The following BIRC6 variants were observed in gnomAD, a reference collection of about 807,000 sequenced individuals.
BIRC6 encodes the protein dual E2 ubiquitin-conjugating enzyme/E3 ubiquitin-protein ligase BIRC6.
In BIRC6, 98 loss-of-function variants were observed where a neutral mutation model predicts 503.3. That is an observed-to-expected ratio of 0.19 (90% CI 0.17 to 0.23). BIRC6 has a LOEUF of 0.23. BIRC6 is among the 10% of genes least tolerant of loss of function. The pLI is 1.00. For missense variants in BIRC6, 5,360 were observed against 5,806.0 expected (o/e 0.92, Z 2.50); for synonymous variants, 2,240 against 2,078.7 (o/e 1.08, Z -2.11).
chr2:32,469,749 C>G, intron 30 of BIRC6, 135 bp downstream of exon 30: 1 of 777,134 alleles, frequency 1.3e-6, no homozygotes, highest in Non-Finnish European at 2.1e-6. Flanking sequence ...TGTGAAATGA[C>G]CAGTGAAGGG....
intron 10 of BIRC6, among the ~76,000 whole-genome samples, chr2:32,425,791 G>C (rs1264077478): frequency 1.3e-5 from 2 of 152,200 alleles, no homozygotes; most frequent in African/African-American, 4.8e-5. Flanking sequence ...CCAGGCAAGA[G>C]TCTATTCTGG....
Position 32,543,406 on chromosome 2 carries a change from A to G in BIRC6, c.12457A>G (p.Ile4153Val), listed in dbSNP as rs1185760732. The G allele has an allele frequency of 1.2e-6, 2 of 1,613,982 alleles. No homozygotes were observed. Among genetic ancestry groups the G allele is most frequent in the Non-Finnish European group, 1.7e-6 (2 of 1,179,886 alleles). The change falls in exon 62 of 74, where the codon ATA becomes GTA. Residue 4153 changes from isoleucine (I) to valine (V), a missense_variant. Physicochemically the swap from Ile to Val is conservative, Grantham distance 29. Transcript: ENST00000421745. The part of the protein sequence containing the change: ...IKSAVQTMSP[I>V]PAHSLAAFGL... ...GTCAGCAGTACAGACCATGTCTCCC[A>G]TACCTGCCCATTCTTTGGCTGCTTT...
rs569602973 is a variant in BIRC6 at position 32,459,360 on chromosome 2, T to C, written c.4754-3834T>C. ...GGCGATTTCTTCTTTTTGGCTGTTA[T>C]GTCTAATGCTGCTGTGAACATGTTT... On this transcript the variant is annotated intron_variant, in intron 23 of 73. Transcript: ENST00000421745. Among the ~76,000 whole-genome samples the C allele has an allele frequency of 1.6e-3, 251 of 152,340 alleles. 1 individual carries two copies. The highest frequency in any genetic ancestry group is 5.7e-3 in the African/African-American group (238 of 41,578).
At chr2:32,416,256 T>C (rs1245926873) in intron 10 of BIRC6, 93 bp downstream of exon 10, 22 of 1,269,908 alleles carry the variant, frequency 1.7e-5, no homozygotes, top group Admixed American at 2.5e-5. Context: ...TAGGTTCAAA[T>C]AGATGGGGAG....
rs549108275 is a variant in BIRC6 at position 32,447,662 on chromosome 2, C to T, written c.4485-1133C>T. Among the ~76,000 whole-genome samples the T allele has an allele frequency of 9.1e-3, 1,115 of 121,948 alleles. 8 individuals carry two copies. The highest frequency in any genetic ancestry group is 0.015 in the Non-Finnish European group (820 of 56,314). The allele number at this position is 121,948 out of a possible 152,430, so 80.0% of individuals were successfully genotyped here. A position where few individuals can be genotyped will look rare whatever the true frequency, so the allele number is the denominator to read the frequency against. Reference sequence around the variant, plus strand: ...GCTGGCCGGGCAGGGGGCTGACCCCCCCTCCCCCCTCCCGGACTGGGCGGC... The same window carrying T: ...GCTGGCCGGGCAGGGGGCTGACCCCTCCTCCCCCCTCCCGGACTGGGCGGC... On this transcript the variant is annotated intron_variant, in intron 21 of 73. Transcript: ENST00000421745.
At chr2:32,477,611 AG>A (rs779373232) in intron 35 of BIRC6, 28 bp downstream of exon 35, 2 of 1,591,144 alleles carry the variant, frequency 1.3e-6, no homozygotes, top group South Asian at 2.2e-5. Flanking sequence ...GTAGACTTAC[AG>A]GGTTGGCCGG....
intron 26 of BIRC6, among the ~76,000 whole-genome samples, chr2:32,466,557 C>A (rs1285298663): frequency 6.6e-6 from 1 of 152,090 alleles, no homozygotes; most frequent in Admixed American, 6.5e-5. Flanking sequence ...GGAAGTTAAG[C>A]AGGGCTTAAG....
rs2043841013 is a variant in BIRC6, at chr2:32,429,190, A to T, written c.2917A>T (p.Ile973Phe). 1 of 1,590,428 alleles carries T rather than the reference A, an allele frequency of 6.3e-7. No individual in the cohort carries two copies. Among genetic ancestry groups the T allele is most frequent in the African/African-American group, 1.3e-5 (1 of 74,624 alleles). ...CCAAATTGGAGGAACCTGTGATGAT[A>T]TTGATGAAGCTGATATACTAGTGGA... The part of the protein sequence containing the change: ...FLQIGGTCDD[I>F]DEADILVDGS... The change falls in exon 11 of 74, where the codon ATT becomes TTT. Residue 973 changes from isoleucine (I) to phenylalanine (F), a missense_variant. Ile to Phe is a conservative substitution (Grantham distance 21). Transcript: ENST00000421745.
At chr2:32,455,740 T>C (rs1347030570) in intron 23 of BIRC6, among the ~76,000 whole-genome samples, 1 of 152,232 alleles carries the variant, frequency 6.6e-6, no homozygotes, top group African/African-American at 2.4e-5. Flanking sequence ...GAAAAAGTTT[T>C]TCTCCACACT....
chr2:32,585,310 C>T (rs914683149), intron 66 of BIRC6, among the ~76,000 whole-genome samples: 3 of 151,678 alleles, frequency 2.0e-5, no homozygotes, highest in Admixed American at 1.3e-4. Context: ...TAGGCAGATA[C>T]AAAACAAAAT....
intron 8 of BIRC6, among the ~76,000 whole-genome samples, chr2:32,406,131 C>A (rs552739554): frequency 1.8e-4 from 27 of 152,118 alleles, no homozygotes; most frequent in African/African-American, 5.8e-4. Flanking sequence ...GTGGCTCATG[C>A]GTATAATCCC....
At chr2:32,460,261 TA>T (rs2047706943) in intron 23 of BIRC6, among the ~76,000 whole-genome samples, 2 of 33,370 alleles carry the variant, frequency 6.0e-5, no homozygotes, top group South Asian at 1.0e-3. Flanking sequence ...TATATATATA[TA>T]TATATATATA....
chr2:32,441,931 T>C, intron 17 of BIRC6, 134 bp from the exon 18 acceptor site: 1 of 598,522 alleles, frequency 1.7e-6, no homozygotes. Flanking sequence ...ACTTGACATA[T>C]AGCTATTGAT....
rs1307178485 is a variant in BIRC6, at chr2:32,483,573, C to G, written c.7696+991C>G. On this transcript the variant is annotated intron_variant, in intron 39 of 73. Transcript: ENST00000421745. Reference sequence around the variant, plus strand: ...TTATAGCGGTTGTCAAAATAATGTTCCTTATGCACAAGAGCCCAGGGAAAA... The same window carrying G: ...TTATAGCGGTTGTCAAAATAATGTTGCTTATGCACAAGAGCCCAGGGAAAA... 2.6e-5 allele frequency among the ~76,000 whole-genome samples: 4 copies of G among 152,182 alleles called. No homozygotes were observed. In the East Asian group the frequency reaches 5.8e-4, roughly 22 times the overall value.
At chr2:32,394,507 C>T (rs929736951) in intron 5 of BIRC6, among the ~76,000 whole-genome samples, 2 of 151,982 alleles carry the variant, frequency 1.3e-5, no homozygotes, top group Admixed American at 6.6e-5. Context: ...ACTTGCCCTT[C>T]TTGTTCAGTT....
At chr2:32,491,625 A>G (rs1306666281) in intron 44 of BIRC6, 67 bp downstream of exon 44, 18 of 1,493,988 alleles carry the variant, frequency 1.2e-5, no homozygotes, top group South Asian at 5.4e-5. Flanking sequence ...ATGTAAAGCT[A>G]TGTAACTTTT....
chr2:32,433,595 C>T (rs967827414), intron 12 of BIRC6, 49 bp from the exon 13 acceptor site: 7 of 1,450,060 alleles, frequency 4.8e-6, no homozygotes, highest in Non-Finnish European at 5.6e-6. Flanking sequence ...ATGGTTGTGG[C>T]TGAAGAAAGA....
intron 53 of BIRC6, among the ~76,000 whole-genome samples, chr2:32,511,860 A>G (rs1156542058): frequency 1.3e-5 from 2 of 152,118 alleles, no homozygotes; most frequent in African/African-American, 2.4e-5. Flanking sequence ...ATAGATTGCA[A>G]TTGTTTTTGA....
At chr2:32,408,528 G>A (rs945294147) in intron 9 of BIRC6, among the ~76,000 whole-genome samples, 1 of 152,116 alleles carries the variant, frequency 6.6e-6, no homozygotes, top group East Asian at 1.9e-4. Context: ...ATTGTCACTG[G>A]AACCTTTCCT....
Sources: allele counts gnomAD v4.1 joint callset (sites outside exome capture counted in the v4.1 genomes callset), GRCh38; gene constraint gnomAD v4.1.1; transcripts MANE v1.5; gene names NCBI Gene and HGNC (gene_info 2026-07-23, HGNC 2026-07-21).